Variants in LAMA5 observed in about 807,000 individuals in gnomAD.
LAMA5 encodes the protein laminin subunit alpha-5.
LAMA5 carries 260 observed loss-of-function variants against 433.4 expected under a neutral mutation model. The observed-to-expected ratio is 0.60, with a 90% CI of 0.54 to 0.66. The LOEUF (loss-of-function observed/expected upper bound fraction) is 0.66. Ranked by LOEUF, LAMA5 falls within the 30% of genes least tolerant of loss-of-function variation. The probability of loss-of-function intolerance (pLI) is 0.00; values close to 1 mark genes in which losing one functional copy is unlikely to be tolerated. For synonymous variants in LAMA5, 2,620 were observed against 2,226.6 expected (o/e 1.18, Z -4.97); for missense variants, 5,378 against 5,258.5 (o/e 1.02, Z -0.70).
chr20:62,316,648 C>A (rs560312727), intron 57 of LAMA5, 23 bp downstream of exon 57: 2 of 1,506,830 alleles, frequency 1.3e-6, no homozygotes, highest in East Asian at 2.3e-5. Context: ...GCCTAAGGGC[C>A]CCCATCGGAG....
rs921222923 is a variant in LAMA5 at position 62,367,262 on chromosome 20, C to A, written c.-17G>T. On this transcript the variant is annotated 5_prime_UTR_variant, in exon 1 of 80. Coordinates refer to ENST00000252999, the MANE Select transcript of LAMA5 (RefSeq NM_005560.6). ...CTTCGCCATCTTCCCGGCTCCGGGC[C>A]GCGTCCCCGAGCTCCAGGGACAGCG... The A allele has an allele frequency of 1.5e-5, 17 of 1,160,904 alleles. No individual in the cohort carries two copies. The Admixed American group carries it at 7.6e-4, about 52-fold the overall frequency. 71.9% of individuals were successfully genotyped at this position (1,160,904 alleles called of 1,614,324 possible). A position where few individuals can be genotyped will look rare whatever the true frequency, so the allele number is the denominator to read the frequency against.
chr20:62,329,982 G>A lies in LAMA5; in HGVS notation c.3980-66C>T, dbSNP rs1980052903. 5 of 1,564,374 alleles carry A rather than the reference G, an allele frequency of 3.2e-6. No individual in the cohort carries two copies. The East Asian group carries it at 6.9e-5, about 22-fold the overall frequency. ...GCGCCCCCAAGACACCCAGAGGGTTGAAGATGGCAGCGTTGGGGCAGCCAA... is the reference window on the plus strand; with the variant it reads ...GCGCCCCCAAGACACCCAGAGGGTTAAAGATGGCAGCGTTGGGGCAGCCAA... On this transcript the variant is annotated intron_variant, in intron 31 of 79. Transcript: ENST00000252999.
Position 62,338,365 on chromosome 20 carries a change from G to A in LAMA5, c.1623C>T (p.Cys541=). ...CGGCCACTCCAGGGCTGGAACACTG[G>A]CAGGCTGCAGGAAAGGGTGGCCCAC... The part of the protein sequence containing the change: ...PGFYGPGCQP[C]QCSSPGVADD... Residue 541 remains cysteine, a synonymous_variant, in exon 13 of 80, where the codon TGC becomes TGT. Coordinates refer to ENST00000252999, the MANE Select transcript of LAMA5 (RefSeq NM_005560.6). The A allele has an allele frequency of 6.2e-7, 1 of 1,607,670 alleles. No homozygotes were observed. Among genetic ancestry groups the A allele is most frequent in the Non-Finnish European group, 8.5e-7 (1 of 1,177,092 alleles).
chr20:62,364,954 C>A (rs112403728), intron 1 of LAMA5, among the ~76,000 whole-genome samples: 2 of 152,374 alleles, frequency 1.3e-5, no homozygotes, highest in South Asian at 4.1e-4. Context: ...TTGCCCCAAC[C>A]GCAGCTCCAC....
At chr20:62,331,500 A>G (rs1980453158) in intron 28 of LAMA5, among the ~76,000 whole-genome samples, 2 of 151,786 alleles carry the variant, frequency 1.3e-5, no homozygotes, top group African/African-American at 4.8e-5. Context: ...CTCCTCCCAT[A>G]GCCCTCTTCC....
At chr20:62,350,066 C>T (rs1315458423) in intron 6 of LAMA5, among the ~76,000 whole-genome samples, 1 of 151,690 alleles carries the variant, frequency 6.6e-6, no homozygotes, top group African/African-American at 2.4e-5. Context: ...ATGAAAGATT[C>T]CCAGTCACCC....
Position 62,322,376 on chromosome 20 carries a change from T to G in LAMA5, c.6239A>C (p.Glu2080Ala), listed in dbSNP as rs758276838. The G allele has an allele frequency of 8.8e-6, 14 of 1,590,694 alleles. No homozygotes were observed. Among genetic ancestry groups the G allele is most frequent in the Non-Finnish European group, 1.2e-5 (14 of 1,170,320 alleles). ...GCACTGTCCGCTCTGGGGGTGGCAC[T>G]CGGAGCCCTCGGCGGCCGGTCCACA... ...CACGPAAEGS[E>A]CHPQSGQCHC... The change falls in exon 47 of 80, where the codon GAG (glutamate) becomes GCG (alanine). Residue 2080 changes from glutamate (E) to alanine (A), a missense_variant. Physicochemically the swap from Glu to Ala is moderately radical, Grantham distance 107. Coordinates refer to ENST00000252999, the MANE Select transcript of LAMA5 (RefSeq NM_005560.6).
At position 62,310,655 on chromosome 20, in the gene LAMA5, T is replaced by C. The variant is rs1434979288; in HGVS notation, c.10446+10A>G. The C allele has an allele frequency of 2.5e-6, 4 of 1,600,798 alleles. No individual in the cohort carries two copies. Among genetic ancestry groups the C allele is most frequent in the East Asian group, 2.2e-5 (1 of 44,870 alleles). On this transcript the variant is annotated intron_variant, in intron 75 of 79. Transcript: ENST00000252999. ...GTGGGGAGTGGGGGCTGGGGCAAGA[T>C]GGTTCTCACCGGAAGTTTGGAGCTG...
At position 62,313,198 on chromosome 20, in the gene LAMA5, T is replaced by G; in HGVS notation, c.8845A>C (p.Thr2949Pro). The G allele has an allele frequency of 6.4e-7, 1 of 1,558,312 alleles. No homozygotes were observed. The highest frequency in any genetic ancestry group is 8.6e-7 in the Non-Finnish European group (1 of 1,156,320). ...WLTDGSYLDG[T>P]GFARISFDSQ... is the part of the protein sequence containing the mutation. ...TCGAAGCTGATGCGGGCGAAGCCGG[T>G]GCCGTCCAGGTAGGAGCCGTCCGTG... Residue 2949 changes from threonine to proline, a missense_variant, in exon 65 of 80, where the codon ACC becomes CCC. By Grantham distance (38) the Thr-to-Pro change is conservative (BLOSUM62 -1). Transcript: ENST00000252999.
chr20:62,343,942 C>A (rs1477305555), intron 11 of LAMA5, among the ~76,000 whole-genome samples: 2 of 151,544 alleles, frequency 1.3e-5, no homozygotes, highest in African/African-American at 4.8e-5. Context: ...GTTGGGAGTT[C>A]GAGACCAGCC....
chr20:62,316,099 C>G (rs778048025), intron 57 of LAMA5, 41 bp from the exon 58 acceptor site: 5 of 1,424,014 alleles, frequency 3.5e-6, no homozygotes, highest in South Asian at 2.4e-5. Flanking sequence ...AGCTTCACCC[C>G]CAGTATACAA....
Position 62,350,938 on chromosome 20 carries a change from G to A in LAMA5, c.956+766C>T, listed in dbSNP as rs112946382. ...AGAACCAACGAAGGGAGGGAGGAAA[G>A]GACGGACGTGCCCTGGGGTTGCTTC... On this transcript the variant is annotated intron_variant, in intron 6 of 79. Transcript: ENST00000252999. 4.1e-3 allele frequency: 633 copies of A among 152,540 alleles called. 5 individuals carry two copies. The highest frequency in any genetic ancestry group is 7.3e-3 in the Non-Finnish European group (501 of 68,184). The allele number at this position is 152,540 out of a possible 1,614,324, so 9.4% of individuals were successfully genotyped here.
chr20:62,333,783 G>A (rs1417780229), intron 23 of LAMA5, 77 bp from the exon 24 acceptor site: 10 of 1,474,200 alleles, frequency 6.8e-6, no homozygotes, highest in Middle Eastern at 2.2e-4. Flanking sequence ...CAGGGTTGGG[G>A]ATAGGCTGGT....
intron 30 of LAMA5, 32 bp downstream of exon 30, chr20:62,330,711 A>T: frequency 6.4e-7 from 1 of 1,554,748 alleles, no homozygotes; most frequent in Non-Finnish European, 8.7e-7. Context: ...CTGCCCTGAC[A>T]CCCCCGTCCC....
rs538939228 is a variant in LAMA5, at chr20:62,310,680, G to A, written c.10431C>T (p.His3477=). The A allele has an allele frequency of 7.5e-6, 12 of 1,603,478 alleles. No individual in the cohort carries two copies. In the South Asian group the frequency reaches 1.3e-4, roughly 18 times the overall value. The change falls in exon 75 of 80, where the codon CAC becomes CAT. Residue 3477 remains histidine (H), a synonymous_variant. Coordinates refer to ENST00000252999, the MANE Select transcript of LAMA5 (RefSeq NM_005560.6). ...TGGTTCTCACCGGAAGTTTGGAGCT[G>A]TGGCTGCTGGCCGGGAGGCCGCCCA... ...LFVGGLPASS[H]SSKLPVTVGF...
Position 62,310,645 on chromosome 20 carries a change from T to C in LAMA5, c.10446+20A>G. ...GGAACAGTGGGTGGGGAGTGGGGGC[T>C]GGGGCAAGATGGTTCTCACCGGAAG... On this transcript the variant is annotated intron_variant, in intron 75 of 79. Coordinates refer to ENST00000252999, the MANE Select transcript of LAMA5 (RefSeq NM_005560.6). 6.3e-7 allele frequency: 1 copy of C among 1,597,370 alleles called. No homozygotes were observed. Among genetic ancestry groups the C allele is most frequent in the Non-Finnish European group, 8.5e-7 (1 of 1,176,486 alleles).
rs11699758 is a variant in LAMA5 at position 62,326,706 on chromosome 20, C to T, written c.5269G>A (p.Val1757Ile). ...ACCAGCTGCAGCTGCCCACGGTGAA[C>T]GTGGCCAGGCGTGGGGTATGCCGGC... is the stretch of plus-strand genomic sequence containing the variant. ...LEPAYPTPGHVHRGQLQLVEG... is the reference protein window; with the variant it reads ...LEPAYPTPGHIHRGQLQLVEG... The change falls in exon 40 of 80, where the codon GTT becomes ATT. Residue 1757 changes from valine to isoleucine, a missense_variant. Transcript: ENST00000252999. 0.029 allele frequency: 47,420 copies of T among 1,612,684 alleles called. 760 individuals are homozygous for T. Among genetic ancestry groups the T allele is most frequent in the Non-Finnish European group, 0.033 (39,485 of 1,179,722 alleles).
chr20:62,333,086 G>T lies in LAMA5; in HGVS notation c.3282+4C>A. 6.7e-7 allele frequency: 1 copy of T among 1,497,442 alleles called. No individual in the cohort carries two copies. The highest frequency in any genetic ancestry group is 8.9e-7 in the Non-Finnish European group (1 of 1,126,016). The allele number at this position is 1,497,442 out of a possible 1,614,324, so 92.8% of individuals were successfully genotyped here. A position where few individuals can be genotyped will look rare whatever the true frequency, so the allele number is the denominator to read the frequency against. On this transcript the variant is annotated splice_donor_region_variant and intron_variant, in intron 26 of 79. Coordinates refer to ENST00000252999, the MANE Select transcript of LAMA5 (RefSeq NM_005560.6). ...ATTGCTCCGTGGGGTCCCAGGACAC[G>T]CACATCACTGCCCGTGCAGGTGATC...
At chr20:62,312,139 G>T (rs369564825) in intron 69 of LAMA5, 34 bp downstream of exon 69, 3 of 1,609,628 alleles carry the variant, frequency 1.9e-6, no homozygotes, top group African/African-American at 1.3e-5. Context: ...CGGCCACCGC[G>T]GGGTGGGGAA....
Sources: allele counts gnomAD v4.1 joint callset (sites outside exome capture counted in the v4.1 genomes callset), GRCh38; gene constraint gnomAD v4.1.1; transcripts MANE v1.5; gene names NCBI Gene and HGNC (gene_info 2026-07-23, HGNC 2026-07-21).